Variants in PAX3 observed in about 807,000 individuals in gnomAD.
PAX3 encodes paired box protein Pax-3.
PAX3 carries 14 observed loss-of-function variants against 51.6 expected under a neutral mutation model. That is an observed-to-expected ratio of 0.27 (90% CI 0.18 to 0.42). PAX3 has a LOEUF of 0.42. Ranked by LOEUF, PAX3 falls within the 10% of genes least tolerant of loss-of-function variation. PAX3 has a pLI of 1.00. For missense variants in PAX3, 540 were observed against 642.8 expected (o/e 0.84, Z 1.73); for synonymous variants, 280 against 253.4 (o/e 1.11, Z -1.00).
chr2:222,248,641 T>A (rs1170227842), intron 4 of PAX3, among the ~76,000 whole-genome samples: 1 of 152,188 alleles, frequency 6.6e-6, no homozygotes, highest in Non-Finnish European at 1.5e-5. Flanking sequence ...ACTTTTTCAT[T>A]TTAAAGGGTC....
chr2:222,237,326 G>GCACACACACACACACA (rs3075849), intron 4 of PAX3, among the ~76,000 whole-genome samples: 78 of 146,560 alleles, frequency 5.3e-4, no homozygotes, highest in East Asian at 3.3e-3. Flanking sequence ...TTTATCACAT[G>GCACACACACACACACA]CACACACACA....
intron 5 of PAX3, 80 bp from the exon 6 acceptor site, chr2:222,221,467 G>T: frequency 7.6e-7 from 1 of 1,308,716 alleles, no homozygotes; most frequent in Non-Finnish European, 1.1e-6. Flanking sequence ...TGCTAAAACA[G>T]ATTAGAGGCT....
At chr2:222,267,886 G>T (rs1694108585) in intron 4 of PAX3, among the ~76,000 whole-genome samples, 1 of 152,162 alleles carries the variant, frequency 6.6e-6, no homozygotes, top group African/African-American at 2.4e-5. Context: ...TACCCTGGGT[G>T]ACTGGCAAAT....
At chr2:222,293,726 A>G (rs1418140819) in intron 4 of PAX3, 7 of 1,614,152 alleles carry the variant, frequency 4.3e-6, no homozygotes, top group Non-Finnish European at 5.9e-6. Flanking sequence ...CTCTCCTTTA[A>G]TGCGAGGAAA....
chr2:222,256,198 G>A (rs1265383163), intron 4 of PAX3, among the ~76,000 whole-genome samples: 4 of 152,098 alleles, frequency 2.6e-5, no homozygotes, highest in Non-Finnish European at 5.9e-5. Context: ...GAACGTGCCA[G>A]AATCAATTAC....
intron 4 of PAX3, among the ~76,000 whole-genome samples, chr2:222,253,150 G>A (rs532846028): frequency 2.0e-5 from 3 of 152,264 alleles, no homozygotes; most frequent in East Asian, 1.9e-4. Flanking sequence ...GTTCTATTCC[G>A]AGGATTCTGT....
At chr2:222,285,893 GTCAAC>G (rs1395945020) in intron 4 of PAX3, among the ~76,000 whole-genome samples, 1 of 152,064 alleles carries the variant, frequency 6.6e-6, no homozygotes, top group East Asian at 1.9e-4. Context: ...TTCTATGTTG[GTCAAC>G]CAAGAAAAGT....
intron 4 of PAX3, among the ~76,000 whole-genome samples, chr2:222,285,719 A>G (rs1185624121): frequency 1.3e-5 from 2 of 152,234 alleles, no homozygotes; most frequent in Non-Finnish European, 2.9e-5. Context: ...ACAAGACCAA[A>G]TACATTTAAT....
chr2:222,225,224 G>A (rs529452658), intron 5 of PAX3, among the ~76,000 whole-genome samples: 2 of 152,150 alleles, frequency 1.3e-5, no homozygotes, highest in Admixed American at 1.3e-4. Flanking sequence ...ACTGCAGCCC[G>A]GTTCATTTTT....
chr2:222,220,117 C>G (rs565109008), intron 7 of PAX3, 23 bp downstream of exon 7: 1 of 1,603,246 alleles, frequency 6.2e-7, no homozygotes, highest in African/African-American at 1.3e-5. Context: ...AGCAAATCGT[C>G]TGTCTAGAAA....
intron 7 of PAX3, among the ~76,000 whole-genome samples, chr2:222,203,021 A>G (rs1691363704): frequency 1.1e-5 from 1 of 91,944 alleles, no homozygotes; most frequent in Non-Finnish European, 2.0e-5. Context: ...TCATATATAT[A>G]TATATATATA....
intron 4 of PAX3, among the ~76,000 whole-genome samples, chr2:222,261,611 A>G (rs1476410701): frequency 6.6e-6 from 1 of 151,746 alleles, no homozygotes; most frequent in Admixed American, 6.6e-5. Context: ...CAAAAAAAAA[A>G]AAAAGAAAAA....
At chr2:222,219,258 C>T (rs1352370220) in intron 7 of PAX3, among the ~76,000 whole-genome samples, 1 of 152,018 alleles carries the variant, frequency 6.6e-6, no homozygotes, top group East Asian at 1.9e-4. Flanking sequence ...GGGTTGAGAA[C>T]AGATAAAGCT....
chr2:222,239,398 G>A (rs1692921569), intron 4 of PAX3, among the ~76,000 whole-genome samples: 1 of 152,152 alleles, frequency 6.6e-6, no homozygotes, highest in African/African-American at 2.4e-5. Context: ...ATCCAAGTCA[G>A]TTGAGAGACT....
rs1447002136 is a variant in PAX3, at chr2:222,201,128, T to G, written c.*280A>C. On this transcript the variant is annotated 3_prime_UTR_variant, in exon 9 of 9. Transcript: ENST00000392070. ...GCACTAAAGAATTGGGATGTTTTGA[T>G]ATGTAACCATGTGAAACCATTGCCT... is the stretch of plus-strand genomic sequence containing the variant. 6.2e-7 allele frequency: 1 copy of G among 1,602,820 alleles called. No individual in the cohort carries two copies. Among genetic ancestry groups the G allele is most frequent in the African/African-American group, 1.3e-5 (1 of 74,752 alleles).
chr2:222,265,483 C>T (rs930943751), intron 4 of PAX3, among the ~76,000 whole-genome samples: 25 of 149,704 alleles, frequency 1.7e-4, no homozygotes, highest in African/African-American at 5.8e-4. Flanking sequence ...GAAACCCCAT[C>T]TCTACTAAAA....
chr2:222,227,554 T>C (rs933215161), intron 5 of PAX3, among the ~76,000 whole-genome samples: 1 of 152,108 alleles, frequency 6.6e-6, no homozygotes, highest in Non-Finnish European at 1.5e-5. Context: ...ATCGCACCAC[T>C]GTACTCCAGT....
chr2:222,220,242 G>A lies in PAX3; in HGVS notation c.1071C>T (p.Pro357=), dbSNP rs35913673. ...NPDSSSAYCL[P]STRHGFSSYT... Reference sequence around the variant, plus strand: ...AGCTGGAAAATCCATGCCTGGTGCTGGGGAGGCAGTAGGCAGAGCTGCTGT... The same window carrying A: ...AGCTGGAAAATCCATGCCTGGTGCTAGGGAGGCAGTAGGCAGAGCTGCTGT... The change falls in exon 7 of 9, where the codon CCC becomes CCT. Residue 357 remains proline, a synonymous_variant. Transcript: ENST00000392070. The A allele has an allele frequency of 5.9e-5, 96 of 1,613,932 alleles. No individual in the cohort carries two copies. In the African/African-American group the frequency reaches 1.2e-3, roughly 20 times the overall value.
At chr2:222,284,619 G>A (rs1000031842) in intron 4 of PAX3, among the ~76,000 whole-genome samples, 1 of 73,912 alleles carries the variant, frequency 1.4e-5, no homozygotes, top group East Asian at 5.3e-4. Flanking sequence ...GTGCGTGTGT[G>A]TGTGTGTGTG....
Sources: allele counts gnomAD v4.1 joint callset (sites outside exome capture counted in the v4.1 genomes callset), GRCh38; gene constraint gnomAD v4.1.1; transcripts MANE v1.5; gene names NCBI Gene and HGNC (gene_info 2026-07-23, HGNC 2026-07-21).